The following CFAP58 variants were observed in gnomAD, a reference collection of about 807,000 sequenced individuals.
CFAP58 encodes the protein cilia and flagella associated protein 58.
CFAP58 carries 88 observed loss-of-function variants against 119.5 expected under a neutral mutation model. The observed-to-expected ratio is 0.74, with a 90% CI of 0.62 to 0.88. The LOEUF (loss-of-function observed/expected upper bound fraction) is 0.88. Ranked by LOEUF, CFAP58 falls within the 40% of genes least tolerant of loss-of-function variation. The pLI is 0.00. For synonymous variants in CFAP58, 365 were observed against 366.3 expected (o/e 1.00, Z 0.04); for missense variants, 990 against 1,021.2 (o/e 0.97, Z 0.42).
chr10:104,450,962 G>C (rs1226716180), intron 17 of CFAP58, among the ~76,000 whole-genome samples: 2 of 137,762 alleles, frequency 1.5e-5, no homozygotes, highest in Non-Finnish European at 3.1e-5. Context: ...TAATGAAGAG[G>C]TGAGGTTAAC....
intron 15 of CFAP58, among the ~76,000 whole-genome samples, chr10:104,415,319 C>T (rs372775284): frequency 6.6e-6 from 1 of 150,454 alleles, no homozygotes; most frequent in Non-Finnish European, 1.5e-5. Flanking sequence ...GGGAGCGGGT[C>T]ATCCCATGGG....
intron 9 of CFAP58, chr10:104,382,442 ACT>A (rs1375131931): frequency 2.2e-6 from 1 of 462,178 alleles, no homozygotes; most frequent in Non-Finnish European, 3.9e-6. Flanking sequence ...ATCAGAGCTA[ACT>A]CTCAAAAATT....
Position 104,357,844 on chromosome 10 carries a change from T to C in CFAP58, c.10-497T>C, listed in dbSNP as rs558925769. Reference sequence around the variant, plus strand: ...ATATATACACATATATGTACACATATGTACACATATATACACATATATACA... The same window carrying C: ...ATATATACACATATATGTACACATACGTACACATATATACACATATATACA... On this transcript the variant is annotated intron_variant, in intron 1 of 17. Transcript: ENST00000369704. 9.8e-5 allele frequency among the ~76,000 whole-genome samples: 7 copies of C among 71,630 alleles called. No homozygotes were observed. The East Asian group carries it at 1.0e-3, about 11-fold the overall frequency. 47.0% of individuals were successfully genotyped at this position (71,630 alleles called of 152,430 possible). A position where few individuals can be genotyped will look rare whatever the true frequency, so the allele number is the denominator to read the frequency against.
chr10:104,359,062 A>AC (rs2014634081), intron 2 of CFAP58, among the ~76,000 whole-genome samples: 1 of 152,074 alleles, frequency 6.6e-6, no homozygotes, highest in African/African-American at 2.4e-5. Flanking sequence ...TCTTCCTAGC[A>AC]CCCCTTTTCT....
At chr10:104,396,145 C>T (rs2012149032) in intron 11 of CFAP58, among the ~76,000 whole-genome samples, 1 of 152,216 alleles carries the variant, frequency 6.6e-6, no homozygotes, top group Admixed American at 6.5e-5. Context: ...GGAACCATCT[C>T]ATTTGGAGTT....
intron 7 of CFAP58, 142 bp from the exon 8 acceptor site, chr10:104,376,669 C>T: frequency 1.7e-6 from 1 of 595,552 alleles, no homozygotes; most frequent in Non-Finnish European, 3.0e-6. Flanking sequence ...CTTGGTTATA[C>T]CAAAGGTCAC....
chr10:104,356,553 T>A (rs1457825832), intron 1 of CFAP58, among the ~76,000 whole-genome samples: 1 of 152,208 alleles, frequency 6.6e-6, no homozygotes, highest in African/African-American at 2.4e-5. Context: ...CTTGAGTGGT[T>A]CCCTGTGGCC....
At chr10:104,438,354 T>TG (rs1312873285) in intron 15 of CFAP58, among the ~76,000 whole-genome samples, 389 of 37,024 alleles carry the variant, frequency 0.011, 16 homozygotes, top group African/African-American at 0.053. Flanking sequence ...TTTTGTTTTT[T>TG]TTTTTTGTTT....
At position 104,416,677 on chromosome 10, in the gene CFAP58, G is replaced by A. The variant is rs570254703; in HGVS notation, c.2256+9884G>A. ...TAATATTTACACTGTGTTAAACATT[G>A]CTCTAAATGCTTGTATAGGTATTAT... On this transcript the variant is annotated intron_variant, in intron 15 of 17. Coordinates refer to ENST00000369704, the MANE Select transcript of CFAP58 (RefSeq NM_001008723.2). Among the ~76,000 whole-genome samples the A allele has an allele frequency of 3.9e-5, 6 of 152,248 alleles. No individual in the cohort carries two copies. In the South Asian group the frequency reaches 1.2e-3, roughly 32 times the overall value.
chr10:104,397,414 G>A (rs1176413314), intron 11 of CFAP58, among the ~76,000 whole-genome samples: 1 of 152,176 alleles, frequency 6.6e-6, no homozygotes, highest in African/African-American at 2.4e-5. Context: ...GTACCTGGTT[G>A]CATTCAGTTT....
chr10:104,392,352 A>T lies in CFAP58; in HGVS notation c.1485A>T (p.Arg495Ser), dbSNP rs764353296. The T allele has an allele frequency of 4.3e-6, 7 of 1,610,070 alleles. No individual in the cohort carries two copies. The highest frequency in any genetic ancestry group is 3.4e-5 in the Admixed American group (2 of 59,218). ...KQQQNLYEAV[R>S]SDRNLYSKNL... The stretch of plus-strand genomic sequence containing the variant: ...AACAGAACCTATATGAAGCTGTGAG[A>T]TCAGACAGAAATCTGTATAGCAAAA... The change falls in exon 10 of 18, where the codon AGA (arginine) becomes AGT (serine). Residue 495 changes from arginine (R) to serine (S), a missense_variant. Physicochemically the swap from Arg to Ser is moderately radical, Grantham distance 110. Transcript: ENST00000369704.
chr10:104,359,692 G>A (rs572067201), intron 2 of CFAP58, among the ~76,000 whole-genome samples: 1 of 152,324 alleles, frequency 6.6e-6, no homozygotes, highest in South Asian at 2.1e-4. Flanking sequence ...AGCTACTTGG[G>A]AGGCTGATGC....
At chr10:104,407,522 T>C (rs2012384972) in intron 15 of CFAP58, among the ~76,000 whole-genome samples, 1 of 152,212 alleles carries the variant, frequency 6.6e-6, no homozygotes, top group South Asian at 2.1e-4. Context: ...CCAGTTGCTA[T>C]GTCAGTTTAA....
intron 9 of CFAP58, among the ~76,000 whole-genome samples, chr10:104,388,713 T>G (rs1415966112): frequency 6.6e-6 from 1 of 152,246 alleles, no homozygotes; most frequent in African/African-American, 2.4e-5. Context: ...TGACCTACTT[T>G]CTAATCCCAC....
chr10:104,406,838 C>T, intron 15 of CFAP58, 45 bp downstream of exon 15: 1 of 1,401,500 alleles, frequency 7.1e-7, no homozygotes, highest in Non-Finnish European at 1.0e-6. Context: ...TCCTTAGCAC[C>T]ACCATCTCCA....
chr10:104,422,490 T>C (rs1165053534), intron 15 of CFAP58, among the ~76,000 whole-genome samples: 8 of 152,216 alleles, frequency 5.3e-5, no homozygotes, highest in Admixed American at 4.6e-4. Flanking sequence ...ATTCTGTCAG[T>C]TGGCAATTTG....
intron 5 of CFAP58, 71 bp from the exon 6 acceptor site, chr10:104,368,351 GC>G: frequency 6.7e-7 from 1 of 1,492,110 alleles, no homozygotes; most frequent in Non-Finnish European, 9.1e-7. Context: ...GGTTTGTGGG[GC>G]CCCCTGTGTG....
the CFAP58 span, among the ~76,000 whole-genome samples, chr10:104,341,356 A>C: frequency 6.6e-6 from 1 of 151,944 alleles, no homozygotes; most frequent in Non-Finnish European, 1.5e-5. Context: ...TGGTAAATGT[A>C]ATAAACAGGA....
intron 9 of CFAP58, 138 bp downstream of exon 9, chr10:104,380,358 T>C (rs1026000131): frequency 2.5e-6 from 2 of 812,702 alleles, no homozygotes; most frequent in African/African-American, 1.7e-5. Context: ...AGGAACGATG[T>C]GGACAAAATA....
Sources: gnomAD v4.1 joint callset for allele counts (sites outside exome capture counted in the v4.1 genomes callset) on GRCh38, gnomAD v4.1.1 for gene constraint, MANE v1.5 for transcripts, NCBI Gene and HGNC (gene_info 2026-07-23, HGNC 2026-07-21) for gene names.